The following TNRC18 variants were observed in gnomAD, a reference collection of about 807,000 sequenced individuals.
TNRC18 encodes trinucleotide repeat containing 18, also known as trinucleotide repeat-containing gene 18 protein.
In TNRC18, 69 loss-of-function variants were observed where a neutral mutation model predicts 226.7. That is an observed-to-expected ratio of 0.30 (90% CI 0.25 to 0.37). The LOEUF (loss-of-function observed/expected upper bound fraction) is 0.37. Ranked by LOEUF, TNRC18 falls within the 10% of genes least tolerant of loss-of-function variation. TNRC18 has a pLI of 1.00. For synonymous variants in TNRC18, 2,449 were observed against 1,927.6 expected, an observed-to-expected ratio of 1.27 and a Z score of -7.09; for missense variants, 4,754 against 4,256.6, an observed-to-expected ratio of 1.12 and a Z score of -3.25.
At chr7:5,353,492 G>C (rs1227659221) in intron 16 of TNRC18, among the ~76,000 whole-genome samples, 2 of 148,810 alleles carry the variant, frequency 1.3e-5, no homozygotes, top group Non-Finnish European at 3.0e-5. Context: ...CCGGGAGGTG[G>C]AGGTTGCAGT....
At chr7:5,396,897 G>A (rs901811269) in intron 2 of TNRC18, among the ~76,000 whole-genome samples, 1 of 152,180 alleles carries the variant, frequency 6.6e-6, no homozygotes, top group Non-Finnish European at 1.5e-5. Flanking sequence ...CTGTATACAA[G>A]TGCTCACTGA....
In TNRC18 at chr7:5,321,185, G is replaced by A. The variant is rs1319693460; in HGVS notation, c.6448C>T (p.Arg2150Cys). Residue 2150 changes from arginine (R) to cysteine (C), a missense_variant, in exon 22 of 30, where the codon CGC (arginine) becomes TGC (cysteine). By Grantham distance (180) the Arg-to-Cys change is radical. Transcript: ENST00000430969. ...AVERPLTPAP[R>C]SCIIDKDELK... ...TCATCCTTGTCGATGATGCAGGAGCGAGGGGCTGCAGGGGTTGGATCGTGA... is the reference window on the plus strand; with the variant it reads ...TCATCCTTGTCGATGATGCAGGAGCAAGGGGCTGCAGGGGTTGGATCGTGA... The A allele has an allele frequency of 4.5e-6, 7 of 1,545,240 alleles. No homozygotes were observed. Among genetic ancestry groups the A allele is most frequent in the East Asian group, 2.4e-5 (1 of 40,842 alleles).
In TNRC18 at chr7:5,316,023, G is replaced by C; in HGVS notation, c.6795C>G (p.Asp2265Glu). The C allele has an allele frequency of 5.6e-6, 9 of 1,605,284 alleles. No individual in the cohort carries two copies. The highest frequency in any genetic ancestry group is 6.8e-6 in the Non-Finnish European group (8 of 1,176,006). Residue 2265 changes from aspartate (D) to glutamate (E), a missense_variant, in exon 25 of 30, where the codon GAC (aspartate) becomes GAG (glutamate). Transcript: ENST00000430969. Reference protein sequence around the residue: ...DDGDLITVEFDDGDTGRIPLS... With the variant: ...DDGDLITVEFEDGDTGRIPLS... ...GGGGGATCCTGCCCGTGTCTCCGTC[G>C]TCAAACTCCACGGTGATCAAGTCCC...
At chr7:5,320,057 G>A (rs930521354) in intron 24 of TNRC18, 21 of 422,470 alleles carry the variant, frequency 5.0e-5, no homozygotes, top group African/African-American at 2.4e-4. Flanking sequence ...GAGTTCTTAA[G>A]ATGGTAAAAT....
At chr7:5,420,208 C>A in intron 2 of TNRC18, 1 of 351,142 alleles carries the variant, frequency 2.8e-6, no homozygotes, top group Non-Finnish European at 5.6e-6. Context: ...CCTGGGCAGC[C>A]CGTCTCGGGA....
Position 5,388,592 on chromosome 7 carries a change from TG to T in TNRC18, c.1231del (p.Gln411ArgfsTer179). 1 of 1,298,296 alleles carries T rather than the reference TG, an allele frequency of 7.7e-7. No homozygotes were observed. Among genetic ancestry groups the T allele is most frequent in the Non-Finnish European group, 9.8e-7 (1 of 1,024,068 alleles). 80.4% of individuals were successfully genotyped at this position (1,298,296 alleles called of 1,614,324 possible). A position where few individuals can be genotyped will look rare whatever the true frequency, so the allele number is the denominator to read the frequency against. On this transcript the variant is annotated frameshift_variant, in exon 5 of 30. Coordinates refer to ENST00000430969, the MANE Select transcript of TNRC18 (RefSeq NM_001080495.3). LOFTEE classifies it high-confidence loss of function. Reference protein sequence around the residue: ...EREAGRPGVLQAPPGSPRPLD... With the variant: ...EREAGRPGVLXAPPGSPRPLD... ...AGGCCGCGGGGAGCCGGGGGGCGCC[TG>T]CAGGACCCCTGGCCTGCCAGCCTCG...
chr7:5,375,316 C>CGTTT (rs754856994), intron 9 of TNRC18, among the ~76,000 whole-genome samples: 21 of 147,660 alleles, frequency 1.4e-4, no homozygotes, highest in Non-Finnish European at 2.7e-4. Context: ...CTCAAAAAAA[C>CGTTT]AACAAAAACA....
chr7:5,334,596 T>G (rs1789898697), intron 18 of TNRC18, among the ~76,000 whole-genome samples: 1 of 152,020 alleles, frequency 6.6e-6, no homozygotes, highest in African/African-American at 2.4e-5. Flanking sequence ...AATCTTTTGC[T>G]AACAAGACTT....
At chr7:5,319,458 T>G (rs1027281611) in intron 24 of TNRC18, among the ~76,000 whole-genome samples, 1 of 152,214 alleles carries the variant, frequency 6.6e-6, no homozygotes, top group African/African-American at 2.4e-5. Flanking sequence ...CTGTCTGATA[T>G]CCACACCTAC....
chr7:5,317,175 C>G (rs1005437393), intron 24 of TNRC18, among the ~76,000 whole-genome samples: 3 of 152,098 alleles, frequency 2.0e-5, no homozygotes, highest in Non-Finnish European at 2.9e-5. Context: ...GAGCTCCCAT[C>G]GGCTTGATAA....
At chr7:5,351,189 G>A (rs1791770918) in intron 17 of TNRC18, among the ~76,000 whole-genome samples, 1 of 152,072 alleles carries the variant, frequency 6.6e-6, no homozygotes. Context: ...CTTCTGGGTG[G>A]GGAGGAGGGA....
intron 2 of TNRC18, among the ~76,000 whole-genome samples, chr7:5,409,327 T>A (rs918193329): frequency 6.6e-6 from 1 of 151,968 alleles, no homozygotes; most frequent in African/African-American, 2.4e-5. Flanking sequence ...GGAATTAATG[T>A]ATGCATGAAA....
At chr7:5,415,156 C>T (rs1330618439) in intron 2 of TNRC18, among the ~76,000 whole-genome samples, 1 of 152,120 alleles carries the variant, frequency 6.6e-6, no homozygotes, top group Non-Finnish European at 1.5e-5. Context: ...ACATCCCCTC[C>T]CACCAGCTCC....
chr7:5,315,245 G>C (rs1787734940), intron 25 of TNRC18, 97 bp from the exon 26 acceptor site: 1 of 1,340,276 alleles, frequency 7.5e-7, no homozygotes, highest in Admixed American at 2.7e-5. Flanking sequence ...GATGGGGGCG[G>C]AAGCAACCGA....
Position 5,370,368 on chromosome 7 carries a change from C to T in TNRC18, c.4219+7G>A, listed in dbSNP as rs747074167. ...ATCTGCAGAACTCAGAGGTCGCGCA[C>T]TCTCACCTCCCATCTCTTGGCTCCT... On this transcript the variant is annotated splice_region_variant and intron_variant, in intron 11 of 29. Coordinates refer to ENST00000430969, the MANE Select transcript of TNRC18 (RefSeq NM_001080495.3). 4 of 1,539,506 alleles carry T rather than the reference C, an allele frequency of 2.6e-6. No homozygotes were observed. The highest frequency in any genetic ancestry group is 3.5e-6 in the Non-Finnish European group (4 of 1,141,952).
rs1444688888 is a variant in TNRC18, at chr7:5,306,899, C to T, written c.*1207G>A. 6.7e-6 allele frequency: 1 copy of T among 148,864 alleles called. No homozygotes were observed. The highest frequency in any genetic ancestry group is 2.6e-5 in the African/African-American group (1 of 38,670). The allele number at this position is 148,864 out of a possible 1,614,324, so 9.2% of individuals were successfully genotyped here. Reference sequence around the variant, plus strand: ...ACATAAAAAAAAAAACCAATAATTCCCCCAAAAAACAAACCCAAAGTCTGG... The same window carrying T: ...ACATAAAAAAAAAAACCAATAATTCTCCCAAAAAACAAACCCAAAGTCTGG... On this transcript the variant is annotated 3_prime_UTR_variant, in exon 30 of 30. Transcript: ENST00000430969.
At chr7:5,329,295 C>G (rs1185388457) in intron 19 of TNRC18, among the ~76,000 whole-genome samples, 1 of 149,708 alleles carries the variant, frequency 6.7e-6, no homozygotes, top group East Asian at 2.0e-4. Context: ...AGGACAGATT[C>G]TGTCTTTAAA....
intron 19 of TNRC18, 21 bp from the exon 20 acceptor site, chr7:5,325,269 G>A (rs778624507): frequency 4.5e-5 from 70 of 1,545,650 alleles, no homozygotes; most frequent in Non-Finnish European, 5.8e-5. Context: ...AAGCAGCAGA[G>A]AGGAGCCATC....
Position 5,308,033 on chromosome 7 carries a change from C to G in TNRC18, c.*73G>C. The G allele has an allele frequency of 7.1e-7, 1 of 1,407,222 alleles. No homozygotes were observed. 87.2% of individuals were successfully genotyped at this position (1,407,222 alleles called of 1,614,324 possible). A position where few individuals can be genotyped will look rare whatever the true frequency, so the allele number is the denominator to read the frequency against. ...GCATGCACACAACGCACGTGGTCTC[C>G]GCGCCATGGCAGTGATGGAGATGGG... On this transcript the variant is annotated 3_prime_UTR_variant, in exon 30 of 30. Coordinates refer to ENST00000430969, the MANE Select transcript of TNRC18 (RefSeq NM_001080495.3).
Sources: gnomAD v4.1 joint callset for allele counts (sites outside exome capture counted in the v4.1 genomes callset) on GRCh38, gnomAD v4.1.1 for gene constraint, MANE v1.5 for transcripts, NCBI Gene and HGNC (gene_info 2026-07-23, HGNC 2026-07-21) for gene names.